Variants in EPHB4 observed in about 807,000 individuals in gnomAD.
EPHB4 encodes the protein EPH receptor B4.
EPHB4 carries 50 observed loss-of-function variants against 110.6 expected under a neutral mutation model. The ratio of observed to expected loss-of-function variants is 0.45; its 90% CI spans 0.36 to 0.57. EPHB4 has a LOEUF of 0.57. Among genes scored for constraint, EPHB4 ranks in the 20% least tolerant of loss-of-function variants. The pLI is 0.00. For missense variants in EPHB4, 1,128 were observed against 1,382.1 expected, an observed-to-expected ratio of 0.82 and a Z score of 2.91; for synonymous variants, 592 against 578.4, an observed-to-expected ratio of 1.02 and a Z score of -0.34.
At chr7:100,814,891 C>T (rs1048026911) in intron 8 of EPHB4, among the ~76,000 whole-genome samples, 3 of 151,930 alleles carry the variant, frequency 2.0e-5, no homozygotes, top group South Asian at 2.1e-4. Context: ...GTGGTGAGCA[C>T]GTGTGGTCCC....
intron 8 of EPHB4, among the ~76,000 whole-genome samples, chr7:100,814,971 C>A (rs1813031594): frequency 6.6e-6 from 1 of 151,874 alleles, no homozygotes; most frequent in South Asian, 2.1e-4. Context: ...GCACTATGAT[C>A]AGACCATTAC....
At chr7:100,817,488 T>A in intron 7 of EPHB4, 131 bp from the exon 8 acceptor site, 1 of 984,340 alleles carries the variant, frequency 1.0e-6, no homozygotes, top group Non-Finnish European at 1.4e-6. Flanking sequence ...TTGGGAGAAC[T>A]TACGCATGCA....
intron 16 of EPHB4, 119 bp from the exon 17 acceptor site, chr7:100,803,709 G>A: frequency 7.7e-7 from 1 of 1,292,122 alleles, no homozygotes; most frequent in Non-Finnish European, 1.0e-6. Context: ...GCCAGCGGGG[G>A]AGGGAGAACA....
intron 6 of EPHB4, 114 bp downstream of exon 6, chr7:100,819,443 T>C: frequency 1.6e-6 from 2 of 1,249,556 alleles, no homozygotes; most frequent in Non-Finnish European, 2.2e-6. Flanking sequence ...CCCCAAAGCC[T>C]TAGCCCCTCA....
chr7:100,808,606 C>T (rs372412512), intron 12 of EPHB4, among the ~76,000 whole-genome samples: 3 of 152,148 alleles, frequency 2.0e-5, no homozygotes, highest in African/African-American at 7.2e-5. Context: ...TATGGATTTG[C>T]AAGAGAAGAG....
intron 6 of EPHB4, 99 bp from the exon 7 acceptor site, chr7:100,818,743 C>T: frequency 1.4e-6 from 2 of 1,420,906 alleles, no homozygotes; most frequent in Non-Finnish European, 1.9e-6. Context: ...TGCTCTATCA[C>T]CCAGGCTGGA....
rs150582750 is a variant in EPHB4, at chr7:100,823,788, C to T, written c.267G>A (p.Thr89=). Residue 89 remains threonine (T), a synonymous_variant, in exon 3 of 17, where the codon ACG becomes ACA. Transcript: ENST00000358173. ...PRRGAVHVYA[T]LRFTMLECLS... ...GGCACTCGAGCATGGTGAAGCGCAG[C>T]GTGGCGTACACGTGGACGGCGCCCC... is the stretch of plus-strand genomic sequence containing the variant. The T allele has an allele frequency of 4.6e-5, 75 of 1,613,484 alleles. No homozygotes were observed. The Middle Eastern group carries it at 6.6e-4, about 14-fold the overall frequency.
rs1489640074 is a variant in EPHB4 at position 100,804,856 on chromosome 7, G to T, written c.2834+310C>A. On this transcript the variant is annotated intron_variant, in intron 16 of 16. Coordinates refer to ENST00000358173, the MANE Select transcript of EPHB4 (RefSeq NM_004444.5). ...GAACCCGAGTTGACACATTGTTACC[G>T]TGAGAGCCGGGCCTGGAATGCAGAT... Among the ~76,000 whole-genome samples the T allele has an allele frequency of 3.9e-5, 6 of 152,146 alleles. No individual in the cohort carries two copies. In the East Asian group the frequency reaches 1.2e-3, roughly 29 times the overall value.
At chr7:100,808,174 T>G (rs557351707) in intron 12 of EPHB4, among the ~76,000 whole-genome samples, 2 of 152,350 alleles carry the variant, frequency 1.3e-5, no homozygotes, top group African/African-American at 4.8e-5. Flanking sequence ...CCATTTAACC[T>G]GGTACACTGC....
At chr7:100,804,601 C>T (rs982644577) in intron 16 of EPHB4, among the ~76,000 whole-genome samples, 1 of 152,174 alleles carries the variant, frequency 6.6e-6, no homozygotes, top group Non-Finnish European at 1.5e-5. Flanking sequence ...AGGCATGAGC[C>T]ACCATGCCCG....
intron 13 of EPHB4, among the ~76,000 whole-genome samples, chr7:100,806,906 G>A (rs1161206954): frequency 2.6e-5 from 4 of 152,166 alleles, no homozygotes; most frequent in African/African-American, 4.8e-5. Flanking sequence ...CTGACCTCAG[G>A]CGATCCTCCT....
rs546933549 is a variant in EPHB4, at chr7:100,803,351, C to T, written c.*110G>A. The T allele has an allele frequency of 2.2e-5, 28 of 1,298,832 alleles. No homozygotes were observed. The highest frequency in any genetic ancestry group is 1.6e-4 in the Admixed American group (5 of 31,926). 80.5% of individuals were successfully genotyped at this position (1,298,832 alleles called of 1,614,324 possible). ...TCCAAATTGCCAACTCCTCACCCCA[C>T]GGGCTCAAAGTGCAATCCAGCGGGG... On this transcript the variant is annotated 3_prime_UTR_variant, in exon 17 of 17. Coordinates refer to ENST00000358173, the MANE Select transcript of EPHB4 (RefSeq NM_004444.5).
rs1403944427 is a variant in EPHB4 at position 100,827,471 on chromosome 7, C to T, written c.-441G>A. 6.7e-6 allele frequency: 1 copy of T among 149,962 alleles called. No homozygotes were observed. Among genetic ancestry groups the T allele is most frequent in the South Asian group, 1.9e-4 (1 of 5,190 alleles). The allele number at this position is 149,962 out of a possible 1,614,324, so 9.3% of individuals were successfully genotyped here. On this transcript the variant is annotated 5_prime_UTR_variant, in exon 1 of 17. Coordinates refer to ENST00000358173, the MANE Select transcript of EPHB4 (RefSeq NM_004444.5). The stretch of plus-strand genomic sequence containing the variant: ...GACGGAGCGGGAGGGAGGGAGACTG[C>T]GGCGCGGAGCCGGGCGGGCCGGGCC...
chr7:100,803,736 G>T (rs764817937), intron 16 of EPHB4, 146 bp from the exon 17 acceptor site: 2 of 1,135,024 alleles, frequency 1.8e-6, no homozygotes, highest in Non-Finnish European at 2.3e-6. Flanking sequence ...AACAGTTCCC[G>T]GGCAGTTTTT....
chr7:100,820,015 G>A (rs951148907), intron 5 of EPHB4, 126 bp from the exon 6 acceptor site: 118 of 1,492,758 alleles, frequency 7.9e-5, no homozygotes, highest in Non-Finnish European at 9.8e-5. Context: ...ATGTTCCTCC[G>A]GGCTAGGGAC....
intron 8 of EPHB4, among the ~76,000 whole-genome samples, chr7:100,816,597 G>T (rs762918384): frequency 1.3e-5 from 2 of 151,014 alleles, no homozygotes; most frequent in Non-Finnish European, 1.5e-5. Flanking sequence ...GCCTCCCAAA[G>T]TGCTGGGGTT....
chr7:100,808,363 TG>T (rs1330227042), intron 12 of EPHB4, among the ~76,000 whole-genome samples: 1 of 152,036 alleles, frequency 6.6e-6, no homozygotes, highest in Non-Finnish European at 1.5e-5. Context: ...GGACTATAGG[TG>T]CACACCACTG....
intron 6 of EPHB4, among the ~76,000 whole-genome samples, chr7:100,819,132 G>A (rs1011812557): frequency 1.3e-5 from 2 of 150,912 alleles, no homozygotes; most frequent in African/African-American, 4.9e-5. Context: ...TTTTGAGAGA[G>A]GATCTCACAC....
At position 100,805,528 on chromosome 7, in the gene EPHB4, A is replaced by C; in HGVS notation, c.2651T>G (p.Leu884Arg). 6.6e-7 allele frequency: 1 copy of C among 1,524,340 alleles called. No homozygotes were observed. The highest frequency in any genetic ancestry group is 8.8e-7 in the Non-Finnish European group (1 of 1,136,502). The allele number at this position is 1,524,340 out of a possible 1,614,324, so 94.4% of individuals were successfully genotyped here. A position where few individuals can be genotyped will look rare whatever the true frequency, so the allele number is the denominator to read the frequency against. ...GCCATTCTCCCGGGCCACGATTTTG[A>C]GGCTGGCGGGGTTCCGGATCATCTT... ...LDKMIRNPAS[L>R]KIVARENGGA... The change falls in exon 15 of 17, where the codon CTC becomes CGC. Residue 884 changes from leucine (L) to arginine (R), a missense_variant. By Grantham distance (102) the Leu-to-Arg change is moderately radical (BLOSUM62 -2). Transcript: ENST00000358173.
Sources: allele counts gnomAD v4.1 joint callset (sites outside exome capture counted in the v4.1 genomes callset), GRCh38; gene constraint gnomAD v4.1.1; transcripts MANE v1.5; gene names NCBI Gene and HGNC (gene_info 2026-07-23, HGNC 2026-07-21).